LHFPL3: variants seen among roughly 807,000 people sequenced by gnomAD.
LHFPL3 encodes LHFPL tetraspan subfamily member 3, also known as LHFPL tetraspan subfamily member 3 protein.
LHFPL3 carries 5 observed loss-of-function variants against 19.3 expected under a neutral mutation model. The observed-to-expected ratio is 0.26, with a 90% confidence interval of 0.14 to 0.54. The LOEUF (loss-of-function observed/expected upper bound fraction) is 0.54, where lower values mean the gene tolerates loss of function less well. Ranked by LOEUF, LHFPL3 falls within the 20% of genes least tolerant of loss-of-function variation. LHFPL3 has a pLI of 0.94. For synonymous variants in LHFPL3, 133 were observed against 126.2 expected (o/e 1.05, Z -0.36); for missense variants, 249 against 307.4 (o/e 0.81, Z 1.42).
chr7:104,397,552 C>T (rs1393447612), intron 1 of LHFPL3, among the ~76,000 whole-genome samples: 4 of 152,076 alleles, frequency 2.6e-5, no homozygotes, highest in Non-Finnish European at 4.4e-5. Flanking sequence ...ATATACTTTA[C>T]CCCTAGTTTC....
intron 1 of LHFPL3, among the ~76,000 whole-genome samples, chr7:104,654,435 T>C (rs1792087752): frequency 6.6e-6 from 1 of 152,146 alleles, no homozygotes; most frequent in Non-Finnish European, 1.5e-5. Context: ...AAAAGCAGCA[T>C]GTTATAGTGG....
At chr7:104,417,871 T>TCTC (rs1791653796) in intron 1 of LHFPL3, among the ~76,000 whole-genome samples, 1 of 129,728 alleles carries the variant, frequency 7.7e-6, no homozygotes, top group African/African-American at 3.1e-5. Context: ...TTCTTCTTCT[T>TCTC]CTTCTTCTTC....
intron 1 of LHFPL3, among the ~76,000 whole-genome samples, chr7:104,562,984 T>A (rs533539484): frequency 1.1e-4 from 16 of 152,304 alleles, no homozygotes; most frequent in African/African-American, 3.8e-4. Flanking sequence ...GCTTGCCAGT[T>A]AGGCTGCTCG....
In LHFPL3 at chr7:104,705,198, T is replaced by C. The variant is rs150627669; in HGVS notation, c.446-31477T>C. On this transcript the variant is annotated intron_variant, in intron 1 of 2. Coordinates refer to ENST00000424859, the MANE Select transcript of LHFPL3 (RefSeq NM_199000.3). ...ATCACCTGCATTTTGGTAACAATTG[T>C]TTAATATAAAAACTTAAGTCTATCT... Among the ~76,000 whole-genome samples, 354 of 152,336 alleles carry C rather than the reference T, an allele frequency of 2.3e-3. 2 individuals carry two copies. The highest frequency in any genetic ancestry group is 8.3e-3 in the African/African-American group (345 of 41,586).
At chr7:104,811,256 G>A (rs1009146741) in intron 2 of LHFPL3, among the ~76,000 whole-genome samples, 12 of 150,714 alleles carry the variant, frequency 8.0e-5, no homozygotes, top group African/African-American at 2.4e-4. Flanking sequence ...GTGCAGTGGC[G>A]CATTCATGAC....
rs571697944 is a variant in LHFPL3 at position 104,579,480 on chromosome 7, A to G, written c.446-157195A>G. Among the ~76,000 whole-genome samples the G allele has an allele frequency of 1.6e-3, 242 of 152,318 alleles. 2 individuals carry two copies. Among genetic ancestry groups the G allele is most frequent in the African/African-American group, 5.1e-3 (213 of 41,558 alleles). On this transcript the variant is annotated intron_variant, in intron 1 of 2. Coordinates refer to ENST00000424859, the MANE Select transcript of LHFPL3 (RefSeq NM_199000.3). ...CCACACCTCTATCCATGCTGCAGCA[A>G]AGAATATGGTTTCATTCTTTTTTAT...
intron 1 of LHFPL3, among the ~76,000 whole-genome samples, chr7:104,385,351 G>A (rs1790917114): frequency 6.6e-6 from 1 of 152,036 alleles, no homozygotes; most frequent in Non-Finnish European, 1.5e-5. Flanking sequence ...GGTCCTCATG[G>A]CATTTATAAT....
intron 1 of LHFPL3, among the ~76,000 whole-genome samples, chr7:104,680,375 C>T (rs367958364): frequency 6.6e-5 from 10 of 152,318 alleles, no homozygotes; most frequent in African/African-American, 1.7e-4. Context: ...CTCCCTGTAA[C>T]GGGCTTTGTC....
At chr7:104,556,740 T>G (rs941515449) in intron 1 of LHFPL3, among the ~76,000 whole-genome samples, 1 of 152,250 alleles carries the variant, frequency 6.6e-6, no homozygotes, top group African/African-American at 2.4e-5. Context: ...AAATGAGATT[T>G]TCTTTAACAT....
intron 2 of LHFPL3, among the ~76,000 whole-genome samples, chr7:104,854,479 T>C (rs1189279100): frequency 6.6e-6 from 1 of 152,202 alleles, no homozygotes; most frequent in Admixed American, 6.5e-5. Flanking sequence ...ATTATCCTTA[T>C]ACTGAAGAAA....
chr7:104,410,379 C>T lies in LHFPL3; in HGVS notation c.445+81155C>T, dbSNP rs187045985. 2.9e-3 allele frequency among the ~76,000 whole-genome samples: 442 copies of T among 152,284 alleles called. 4 individuals are homozygous for T. The highest frequency in any genetic ancestry group is 1.0e-2 in the African/African-American group (415 of 41,566). On this transcript the variant is annotated intron_variant, in intron 1 of 2. Coordinates refer to ENST00000424859, the MANE Select transcript of LHFPL3 (RefSeq NM_199000.3). ...AATTCCTGACCTCAGGTGATCCACCCGCCTTGGCCTCCCAAAGTGCTGGGA... is the reference window on the plus strand; with the variant it reads ...AATTCCTGACCTCAGGTGATCCACCTGCCTTGGCCTCCCAAAGTGCTGGGA...
chr7:104,770,066 C>G (rs1472547857), intron 2 of LHFPL3, among the ~76,000 whole-genome samples: 1 of 152,002 alleles, frequency 6.6e-6, no homozygotes, highest in Non-Finnish European at 1.5e-5. Flanking sequence ...TCTCCCAAAC[C>G]CCCATTTACC....
intron 2 of LHFPL3, among the ~76,000 whole-genome samples, chr7:104,792,424 A>C (rs1341976958): frequency 6.6e-6 from 1 of 152,254 alleles, no homozygotes; most frequent in East Asian, 1.9e-4. Context: ...CAGATGAATT[A>C]ATTATCTCCG....
intron 2 of LHFPL3, among the ~76,000 whole-genome samples, chr7:104,884,770 C>T (rs1046415078): frequency 1.8e-4 from 28 of 152,158 alleles, no homozygotes; most frequent in African/African-American, 6.5e-4. Context: ...AAGAAAATGA[C>T]CTTACCTCTG....
At chr7:104,334,173 C>T (rs545275208) in intron 1 of LHFPL3, among the ~76,000 whole-genome samples, 14 of 152,096 alleles carry the variant, frequency 9.2e-5, no homozygotes, top group African/African-American at 3.1e-4. Flanking sequence ...AGTAGGTATT[C>T]GATAATTTTT....
At chr7:104,627,238 G>A (rs1194027188) in intron 1 of LHFPL3, among the ~76,000 whole-genome samples, 3 of 152,010 alleles carry the variant, frequency 2.0e-5, no homozygotes, top group Non-Finnish European at 4.4e-5. Context: ...GACTTTCTGT[G>A]CCTGGCTTAT....
intron 1 of LHFPL3, among the ~76,000 whole-genome samples, chr7:104,353,157 C>T (rs1378660602): frequency 6.6e-6 from 1 of 152,146 alleles, no homozygotes; most frequent in Non-Finnish European, 1.5e-5. Context: ...TTTTATACTA[C>T]AAATGAACAA....
chr7:104,549,241 T>C (rs1794625184), intron 1 of LHFPL3, among the ~76,000 whole-genome samples: 1 of 151,980 alleles, frequency 6.6e-6, no homozygotes, highest in Non-Finnish European at 1.5e-5. Flanking sequence ...AGAGACTAAC[T>C]TCTCTCTTCT....
At chr7:104,680,944 C>T (rs1792683155) in intron 1 of LHFPL3, among the ~76,000 whole-genome samples, 2 of 152,168 alleles carry the variant, frequency 1.3e-5, no homozygotes, top group South Asian at 4.1e-4. Context: ...GATTACAGAA[C>T]TACAGTATCC....
Sources: gnomAD v4.1 joint callset for allele counts (sites outside exome capture counted in the v4.1 genomes callset) on GRCh38, gnomAD v4.1.1 for gene constraint, MANE v1.5 for transcripts, NCBI Gene and HGNC (gene_info 2026-07-23, HGNC 2026-07-21) for gene names.